SIPA1L3: variants seen among roughly 807,000 people sequenced by gnomAD.
SIPA1L3 encodes signal-induced proliferation-associated 1-like protein 3.
In SIPA1L3, 59 loss-of-function variants were observed where a neutral mutation model predicts 150.1. The observed-to-expected ratio is 0.39, with a 90% CI of 0.32 to 0.49. The LOEUF (loss-of-function observed/expected upper bound fraction) is 0.49. SIPA1L3 is among the 20% of genes least tolerant of loss of function. The probability of loss-of-function intolerance (pLI) is 0.86; values close to 1 mark genes in which losing one functional copy is unlikely to be tolerated. For synonymous variants in SIPA1L3, 1,070 were observed against 1,077.6 expected (o/e 0.99, Z 0.14); for missense variants, 2,211 against 2,489.5 (o/e 0.89, Z 2.38).
At chr19:38,131,516 TGACCAGGCAGGCG>T (rs2145920237) in intron 10 of SIPA1L3, 1 of 154,128 alleles carries the variant, frequency 6.5e-6, no homozygotes, top group East Asian at 1.9e-4. Flanking sequence ...GACAGAGAGG[TGACCAGGCAGGCG>T]GTGTGGGCTT....
chr19:38,184,221 C>T (rs758996938), intron 16 of SIPA1L3, among the ~76,000 whole-genome samples: 2 of 151,988 alleles, frequency 1.3e-5, no homozygotes, highest in Non-Finnish European at 2.9e-5. Flanking sequence ...TCTTGTTGCC[C>T]AGGCTGGAGT....
intron 1 of SIPA1L3, among the ~76,000 whole-genome samples, chr19:38,017,508 AACAGCT>A (rs1283262268): frequency 6.7e-6 from 1 of 148,434 alleles, no homozygotes; most frequent in Non-Finnish European, 1.5e-5. Context: ...ACCATATAGC[AACAGCT>A]ATCTCCTTTT....
intron 3 of SIPA1L3, among the ~76,000 whole-genome samples, chr19:38,085,919 C>A (rs1425915176): frequency 1.3e-5 from 2 of 152,092 alleles, no homozygotes; most frequent in Non-Finnish European, 2.9e-5. Context: ...TCGCTTGAAG[C>A]TGGAAGGCAG....
chr19:38,169,976 G>T (rs1244450974), intron 15 of SIPA1L3, among the ~76,000 whole-genome samples: 1 of 151,762 alleles, frequency 6.6e-6, no homozygotes, highest in Non-Finnish European at 1.5e-5. Flanking sequence ...CAGGTAGAGG[G>T]GCCAGGGTAA....
At chr19:38,067,947 G>A (rs1271984104) in intron 2 of SIPA1L3, among the ~76,000 whole-genome samples, 1 of 152,114 alleles carries the variant, frequency 6.6e-6, no homozygotes, top group Non-Finnish European at 1.5e-5. Context: ...ATTTCCTGAG[G>A]GAGCTCTGTA....
At chr19:37,909,902 T>A (rs2046364218) in intron 1 of SIPA1L3, among the ~76,000 whole-genome samples, 1 of 151,258 alleles carries the variant, frequency 6.6e-6, no homozygotes, top group Non-Finnish European at 1.5e-5. Context: ...ACCGGTGGCC[T>A]CAATCACATT....
chr19:37,936,986 G>A (rs2046606323), intron 1 of SIPA1L3, among the ~76,000 whole-genome samples: 1 of 151,978 alleles, frequency 6.6e-6, no homozygotes, highest in South Asian at 2.1e-4. Flanking sequence ...GAGAGTCTGG[G>A]TCTCACTGTG....
chr19:38,003,607 G>C (rs926432922), intron 1 of SIPA1L3, among the ~76,000 whole-genome samples: 2 of 152,136 alleles, frequency 1.3e-5, no homozygotes, highest in African/African-American at 4.8e-5. Flanking sequence ...GACGTGGCAG[G>C]GTCCCTTTTT....
chr19:37,927,778 G>T (rs1401016595), intron 1 of SIPA1L3, among the ~76,000 whole-genome samples: 13 of 151,746 alleles, frequency 8.6e-5, no homozygotes, highest in Non-Finnish European at 7.4e-5. Flanking sequence ...ATCCCACTTA[G>T]AAGTAAGAAC....
chr19:38,206,559 T>G lies in SIPA1L3; in HGVS notation c.*319T>G, dbSNP rs1222310423. The G allele has an allele frequency of 8.2e-6, 2 of 245,038 alleles. No homozygotes were observed. Among genetic ancestry groups the G allele is most frequent in the East Asian group, 1.6e-4 (2 of 12,430 alleles). The allele number at this position is 245,038 out of a possible 1,614,324, so 15.2% of individuals were successfully genotyped here. A position where few individuals can be genotyped will look rare whatever the true frequency, so the allele number is the denominator to read the frequency against. ...TCTAGCCTCTTCCTGGGACCAGCCCTTCGAAGCTGATGGGGACGGAGAGAG... is the reference window on the plus strand; with the variant it reads ...TCTAGCCTCTTCCTGGGACCAGCCCGTCGAAGCTGATGGGGACGGAGAGAG... On this transcript the variant is annotated 3_prime_UTR_variant, in exon 22 of 22. Coordinates refer to ENST00000222345, the MANE Select transcript of SIPA1L3 (RefSeq NM_015073.3).
chr19:38,172,031 C>T (rs545772061), intron 15 of SIPA1L3, among the ~76,000 whole-genome samples: 5 of 152,206 alleles, frequency 3.3e-5, no homozygotes, highest in Admixed American at 1.3e-4. Context: ...CAGGGTAATG[C>T]GGGTGGATTT....
intron 1 of SIPA1L3, among the ~76,000 whole-genome samples, chr19:37,943,582 C>T (rs567512738): frequency 2.4e-4 from 37 of 152,168 alleles, no homozygotes; most frequent in Middle Eastern, 3.2e-3. Context: ...CCACTTTACA[C>T]GAGGCCCAGA....
chr19:38,135,819 A>G (rs1026172188), intron 10 of SIPA1L3, among the ~76,000 whole-genome samples: 3 of 151,966 alleles, frequency 2.0e-5, no homozygotes, highest in African/African-American at 7.2e-5. Context: ...TCATTTGCAG[A>G]GCTGATGACC....
chr19:38,119,665 T>C lies in SIPA1L3; in HGVS notation c.2651T>C (p.Val884Ala). ...GTGGCCCAGGACTACGCCCAGGGGG[T>C]GGAAATCGACTGCATTTTGGGAATT... The part of the protein sequence containing the change: ...RVVAQDYAQG[V>A]EIDCILGISN... Residue 884 changes from valine (V) to alanine (A), a missense_variant, in exon 9 of 22, where the codon GTG becomes GCG. This residue lies in a region of SIPA1L3 where 625 missense variants were observed against 804.2 expected (regional missense o/e 0.78). Transcript: ENST00000222345. 6.2e-7 allele frequency: 1 copy of C among 1,613,804 alleles called. No homozygotes were observed. The highest frequency in any genetic ancestry group is 1.7e-5 in the Admixed American group (1 of 59,974).
intron 10 of SIPA1L3, among the ~76,000 whole-genome samples, chr19:38,133,526 G>T (rs1971363548): frequency 6.6e-6 from 1 of 152,168 alleles, no homozygotes; most frequent in East Asian, 1.9e-4. Context: ...CATGTTCTCA[G>T]CTCTGGAAAC....
intron 7 of SIPA1L3, 83 bp from the exon 8 acceptor site, chr19:38,110,144 G>A: frequency 2.9e-6 from 4 of 1,365,994 alleles, no homozygotes; most frequent in Non-Finnish European, 4.1e-6. Context: ...GGGTGGGTGG[G>A]GGGAGCTGTG....
chr19:38,161,275 AG>A, intron 13 of SIPA1L3, among the ~76,000 whole-genome samples: 1 of 141,054 alleles, frequency 7.1e-6, no homozygotes. Flanking sequence ...TGGGAGGCAG[AG>A]GTTGCAGTGA....
intron 2 of SIPA1L3, among the ~76,000 whole-genome samples, chr19:38,065,915 C>CTATCTATTTATTTATT (rs74176413): frequency 0.1 from 12,832 of 127,654 alleles, 1,113 homozygotes; most frequent in Admixed American, 0.12. Flanking sequence ...ATTTATTTAT[C>CTATCTATTTATTTATT]TATTTATTTA....
chr19:37,970,752 A>G (rs1966913487), intron 1 of SIPA1L3, among the ~76,000 whole-genome samples: 1 of 152,204 alleles, frequency 6.6e-6, no homozygotes, highest in African/African-American at 2.4e-5. Context: ...CATGCTAGAG[A>G]GTCACAACTA....
Sources: allele counts gnomAD v4.1 joint callset (sites outside exome capture counted in the v4.1 genomes callset), GRCh38; gene constraint gnomAD v4.1.1; regional missense constraint gnomAD v4.1.1; transcripts MANE v1.5; gene names NCBI Gene and HGNC (gene_info 2026-07-23, HGNC 2026-07-21).